EPHA5: variants seen among roughly 807,000 people sequenced by gnomAD.
EPHA5 encodes the protein ephrin type-A receptor 5.
Under a neutral mutation model 105.0 loss-of-function variants are expected in EPHA5, and 60 were observed. That is an observed-to-expected ratio of 0.57 (90% CI 0.46 to 0.71). The LOEUF (loss-of-function observed/expected upper bound fraction) is 0.71, where lower values mean the gene tolerates loss of function less well. EPHA5 is among the 30% of genes least tolerant of loss of function. The pLI is 0.00. For synonymous variants in EPHA5, 513 were observed against 449.1 expected (o/e 1.14, Z -1.80); for missense variants, 1,218 against 1,274.7 (o/e 0.96, Z 0.68).
At chr4:65,351,237 TGAC>T in intron 13 of EPHA5, 149 bp downstream of exon 13, 1 of 619,004 alleles carries the variant, frequency 1.6e-6, no homozygotes. Flanking sequence ...AAGAATTTTT[TGAC>T]TTTTGATTTT....
chr4:65,322,264 C>T lies in EPHA5; in HGVS notation c.*1850G>A, dbSNP rs1214391263. 2 of 223,260 alleles carry T rather than the reference C, an allele frequency of 9.0e-6. No homozygotes were observed. The highest frequency in any genetic ancestry group is 4.5e-5 in the African/African-American group (2 of 44,756). 13.8% of individuals were successfully genotyped at this position (223,260 alleles called of 1,614,324 possible). On this transcript the variant is annotated 3_prime_UTR_variant, in exon 17 of 17. Coordinates refer to ENST00000613740, the MANE Select transcript of EPHA5 (RefSeq NM_001281766.3). ...GGTTCTTTAGAAAAGAGGTACTTTACTGCTTAAGTAAAGGGTGGGCAGAAT... is the reference window on the plus strand; with the variant it reads ...GGTTCTTTAGAAAAGAGGTACTTTATTGCTTAAGTAAAGGGTGGGCAGAAT...
At chr4:65,610,124 G>T (rs955531062) in intron 2 of EPHA5, among the ~76,000 whole-genome samples, 1 of 151,976 alleles carries the variant, frequency 6.6e-6, no homozygotes, top group African/African-American at 2.4e-5. Context: ...AAAAAATGTG[G>T]TAAATATAGA....
rs576728162 is a variant in EPHA5, at chr4:65,602,400, T to C, written c.247-96A>G. Reference sequence around the variant, plus strand: ...TTATAAAAGAAAACTAACTGAGATATAGAAATATTCGTATCCTCAATATGT... The same window carrying C: ...TTATAAAAGAAAACTAACTGAGATACAGAAATATTCGTATCCTCAATATGT... On this transcript the variant is annotated intron_variant, in intron 2 of 16. Coordinates refer to ENST00000613740, the MANE Select transcript of EPHA5 (RefSeq NM_001281766.3). The C allele has an allele frequency of 7.2e-6, 7 of 974,316 alleles. No individual in the cohort carries two copies. In the East Asian group the frequency reaches 1.6e-4, roughly 22 times the overall value. The allele number at this position is 974,316 out of a possible 1,614,324, so 60.4% of individuals were successfully genotyped here.
intron 1 of EPHA5, among the ~76,000 whole-genome samples, chr4:65,650,305 T>C (rs1748479168): frequency 6.6e-6 from 1 of 151,290 alleles, no homozygotes; most frequent in African/African-American, 2.4e-5. Flanking sequence ...CCCAGCACTT[T>C]GGGAGGCCGA....
At position 65,601,644 on chromosome 4, in the gene EPHA5, G is replaced by T; in HGVS notation, c.907C>A (p.Gln303Lys). 6.2e-7 allele frequency: 1 copy of T among 1,612,390 alleles called. No individual in the cohort carries two copies. The highest frequency in any genetic ancestry group is 1.1e-5 in the South Asian group (1 of 90,998). Residue 303 changes from glutamine (Q) to lysine (K), a missense_variant, in exon 3 of 17, where the codon CAA (glutamine) becomes AAA (lysine). Around this residue, in one of 3 missense-constraint regions of EPHA5, gnomAD observed 971 missense variants for 1,013.5 expected, o/e 0.96. Transcript: ENST00000613740. ...AGYEEKNGTC[Q>K]VCRPGFFKAS... ...AGATCTGGAGGCAAACTCTTACCTT[G>T]ACAGGTGCCATTTTTCTCTTCATAT... is the stretch of plus-strand genomic sequence containing the variant.
chr4:65,388,913 GC>G (rs1720417036), intron 8 of EPHA5, among the ~76,000 whole-genome samples: 2 of 151,964 alleles, frequency 1.3e-5, no homozygotes, highest in Non-Finnish European at 2.9e-5. Flanking sequence ...GAATGGTAAT[GC>G]CTAGGTTTTA....
chr4:65,474,687 G>T (rs1729622636), intron 5 of EPHA5, among the ~76,000 whole-genome samples: 1 of 152,124 alleles, frequency 6.6e-6, no homozygotes, highest in South Asian at 2.1e-4. Flanking sequence ...GTGTTTTGCA[G>T]CCAAACTACA....
At chr4:65,541,873 G>C (rs1387945558) in intron 3 of EPHA5, among the ~76,000 whole-genome samples, 5 of 151,962 alleles carry the variant, frequency 3.3e-5, no homozygotes, top group African/African-American at 7.2e-5. Flanking sequence ...CAAAAGAACT[G>C]AAATCGTAAC....
intron 16 of EPHA5, chr4:65,331,575 A>T (rs1720620935): frequency 9.4e-7 from 1 of 1,059,440 alleles, no homozygotes; most frequent in African/African-American, 1.6e-5. Flanking sequence ...ATGTACAAAT[A>T]TGTTTGGTCC....
rs1260909452 is a variant in EPHA5, at chr4:65,324,168, C to T, written c.2997G>A (p.Met999Ile). The T allele has an allele frequency of 1.9e-6, 3 of 1,609,476 alleles. No individual in the cohort carries two copies. The highest frequency in any genetic ancestry group is 8.5e-7 in the Non-Finnish European group (1 of 1,177,112). The change falls in exon 17 of 17, where the codon ATG becomes ATA. Residue 999 changes from methionine (M) to isoleucine (I), a missense_variant. Transcript: ENST00000613740. ...VTLVGHQKKI[M>I]NSLQEMKVQL... ...GCACCTTCATTTCTTGAAGGCTGTT[C>T]ATGATCTTCTTCTGGTGACCGACAA...
At chr4:65,573,702 A>G (rs933758205) in intron 3 of EPHA5, 331 of 1,596,372 alleles carry the variant, frequency 2.1e-4, no homozygotes, top group Non-Finnish European at 2.8e-4. Context: ...CAAGGTTGAA[A>G]AGAAAAAGAA....
intron 15 of EPHA5, among the ~76,000 whole-genome samples, chr4:65,335,656 ATT>A (rs10713255): frequency 2.6e-5 from 4 of 151,580 alleles, no homozygotes; most frequent in South Asian, 4.2e-4. Flanking sequence ...CACACATTTA[ATT>A]TTTTTTTATG....
intron 3 of EPHA5, among the ~76,000 whole-genome samples, chr4:65,601,156 C>T (rs563090724): frequency 9.2e-5 from 14 of 152,034 alleles, no homozygotes; most frequent in Non-Finnish European, 2.1e-4. Context: ...AAATGTTTTG[C>T]TATAAAGTTC....
chr4:65,652,833 A>G (rs1053947262), intron 1 of EPHA5, among the ~76,000 whole-genome samples: 12 of 152,104 alleles, frequency 7.9e-5, no homozygotes, highest in African/African-American at 2.9e-4. Context: ...CAAATTTTCA[A>G]AAATAAGTTA....
chr4:65,627,277 T>G (rs1285949188), intron 2 of EPHA5, among the ~76,000 whole-genome samples: 1 of 152,190 alleles, frequency 6.6e-6, no homozygotes, highest in African/African-American at 2.4e-5. Flanking sequence ...AAGATGTTCC[T>G]AAGTATACTG....
At chr4:65,645,585 T>C (rs1748045761) in intron 1 of EPHA5, among the ~76,000 whole-genome samples, 1 of 152,070 alleles carries the variant, frequency 6.6e-6, no homozygotes, top group Non-Finnish European at 1.5e-5. Context: ...TGCACTTGAA[T>C]TAGGTTTAAA....
At chr4:65,343,239 A>C (rs77365768) in intron 14 of EPHA5, among the ~76,000 whole-genome samples, 1 of 152,228 alleles carries the variant, frequency 6.6e-6, no homozygotes, top group South Asian at 2.1e-4. Flanking sequence ...TGACTACATG[A>C]TATTATCTTA....
intron 3 of EPHA5, among the ~76,000 whole-genome samples, chr4:65,506,723 GT>G (rs1359899249): frequency 6.6e-6 from 1 of 151,320 alleles, no homozygotes; most frequent in Non-Finnish European, 1.5e-5. Context: ...GGAGTTGTTT[GT>G]TTTTTTCTTG....
At chr4:65,422,525 G>A (rs969996694) in intron 5 of EPHA5, among the ~76,000 whole-genome samples, 2 of 152,016 alleles carry the variant, frequency 1.3e-5, no homozygotes, top group African/African-American at 2.4e-5. Context: ...ATTTTGATGG[G>A]TGATGTCAAA....
Sources: gnomAD v4.1 joint callset for allele counts (sites outside exome capture counted in the v4.1 genomes callset) on GRCh38, gnomAD v4.1.1 for gene constraint, gnomAD v4.1.1 regional missense constraint, MANE v1.5 for transcripts, NCBI Gene and HGNC (gene_info 2026-07-23, HGNC 2026-07-21) for gene names.